The following FAM83A variants were observed in gnomAD, a reference collection of about 807,000 sequenced individuals.
FAM83A encodes the protein protein FAM83A.
FAM83A carries 21 observed loss-of-function variants against 24.4 expected under a neutral mutation model. That is an observed-to-expected ratio of 0.86 (90% CI 0.61 to 1.24). The LOEUF is 1.24. Among genes scored for constraint, FAM83A ranks in the 50% most tolerant of loss-of-function variants. FAM83A has a pLI of 0.00. For synonymous variants in FAM83A, 270 were observed against 252.4 expected, an observed-to-expected ratio of 1.07 and a Z score of -0.66; for missense variants, 617 against 579.8, an observed-to-expected ratio of 1.06 and a Z score of -0.66.
At chr8:123,193,923 C>A in intron 2 of FAM83A, 101 bp from the exon 3 acceptor site, 1 of 1,460,862 alleles carries the variant, frequency 6.8e-7, no homozygotes, top group South Asian at 1.3e-5. Flanking sequence ...TAGGTTTCAA[C>A]ACAGAATGGG....
At chr8:123,195,918 T>G (rs2131084317) in intron 3 of FAM83A, among the ~76,000 whole-genome samples, 1 of 152,362 alleles carries the variant, frequency 6.6e-6, no homozygotes, top group East Asian at 1.9e-4. Flanking sequence ...GAAACAGACA[T>G]TCAGTCTACA....
intron 3 of FAM83A, among the ~76,000 whole-genome samples, chr8:123,206,030 C>G (rs1373680933): frequency 6.6e-6 from 1 of 151,712 alleles, no homozygotes; most frequent in Non-Finnish European, 1.5e-5. Context: ...GTAATCCCAG[C>G]TACTTGGGAG....
chr8:123,200,957 CAAAAAAAA>C (rs11322028), intron 3 of FAM83A, among the ~76,000 whole-genome samples: 10 of 127,296 alleles, frequency 7.9e-5, no homozygotes, highest in African/African-American at 2.3e-4. Flanking sequence ...AACAAATAAA[CAAAAAAAA>C]AAAATATATA....
At chr8:123,183,195 C>T (rs756959814) in exon 1 of FAM83A, 5 of 1,613,372 alleles carry the variant, frequency 3.1e-6, no homozygotes, top group Admixed American at 3.3e-5. Flanking sequence ...CAGAGGGCAG[C>T]GAGCCGGCCC....
At chr8:123,207,363 G>C in exon 4 of FAM83A, 1 of 1,611,482 alleles carries the variant, frequency 6.2e-7, no homozygotes, top group Non-Finnish European at 8.5e-7. Context: ...GGCTCCGCCA[G>C]TGACCGCACG....
Position 123,182,819 on chromosome 8 carries a change from G to A in FAM83A, c.-38G>A, listed in dbSNP as rs376459350. 2.5e-4 allele frequency: 375 copies of A among 1,511,574 alleles called. 1 individual carries two copies. Among genetic ancestry groups the A allele is most frequent in the Middle Eastern group, 1.3e-3 (7 of 5,574 alleles). 93.6% of individuals were successfully genotyped at this position (1,511,574 alleles called of 1,614,324 possible). ...GCTTCCCACATCTGGAGGAGCTGAC[G>A]TGCCAGCCTCCCCCAGCACCACCCA... is the stretch of plus-strand genomic sequence containing the variant. On this transcript the variant is annotated 5_prime_UTR_variant, in exon 1 of 4. The change creates a new upstream start codon in the 5' untranslated region. Transcript: ENST00000690554.
chr8:123,206,094 G>T (rs1290879542), intron 3 of FAM83A, among the ~76,000 whole-genome samples: 2 of 148,988 alleles, frequency 1.3e-5, no homozygotes, highest in East Asian at 2.0e-4. Context: ...AGTGGGACGA[G>T]ATCGCACCAT....
rs548722844 is a variant in FAM83A at position 123,186,731 on chromosome 8, G to GA, written c.480+3397dup. On this transcript the variant is annotated intron_variant, in intron 1 of 3. Coordinates refer to ENST00000690554, the Ensembl canonical transcript of FAM83A. ...TGTAATCCCAGCTACTCAGGAGACT[G>GA]AATCAGGAGAATCGCTTGAACCTGG... is the stretch of plus-strand genomic sequence containing the variant. Among the ~76,000 whole-genome samples, 1,181 of 152,318 alleles carry GA rather than the reference G, an allele frequency of 7.8e-3. 9 individuals are homozygous for GA. The highest frequency in any genetic ancestry group is 0.013 in the Non-Finnish European group (886 of 68,032).
intron 3 of FAM83A, among the ~76,000 whole-genome samples, chr8:123,198,288 C>T (rs2131089454): frequency 6.6e-6 from 1 of 152,144 alleles, no homozygotes; most frequent in South Asian, 2.1e-4. Flanking sequence ...TTACGCCCTC[C>T]CAGGACCCAC....
chr8:123,206,275 T>G (rs371800988), intron 3 of FAM83A, among the ~76,000 whole-genome samples: 3 of 151,984 alleles, frequency 2.0e-5, no homozygotes, highest in Non-Finnish European at 4.4e-5. Flanking sequence ...CCCGACAGCC[T>G]CGGCCCCGTG....
intron 1 of FAM83A, among the ~76,000 whole-genome samples, chr8:123,185,833 C>T (rs1007263700): frequency 6.6e-6 from 1 of 152,224 alleles, no homozygotes; most frequent in Admixed American, 6.5e-5. Flanking sequence ...CTCTGTCGCC[C>T]AGGCTGGAGT....
exon 4 of FAM83A, chr8:123,208,916 A>G: frequency 1.0e-6 from 1 of 978,422 alleles, no homozygotes; most frequent in Non-Finnish European, 1.2e-6. Context: ...ATGAGCTGAG[A>G]TTGCATCACT....
exon 4 of FAM83A, chr8:123,208,446 G>A: frequency 1.0e-6 from 1 of 985,502 alleles, no homozygotes; most frequent in Non-Finnish European, 1.2e-6. Flanking sequence ...GGACCTAGGA[G>A]CTTGAGTTGT....
intron 3 of FAM83A, among the ~76,000 whole-genome samples, chr8:123,205,666 G>T (rs1824526473): frequency 6.6e-6 from 1 of 152,032 alleles, no homozygotes; most frequent in Non-Finnish European, 1.5e-5. Context: ...CGCTGTCCCG[G>T]CTCGGCGACC....
In FAM83A at chr8:123,207,072, C is replaced by T. The variant is rs1824576133; in HGVS notation, c.774-85C>T. The T allele has an allele frequency of 1.1e-5, 4 of 380,942 alleles. No individual in the cohort carries two copies. The South Asian group carries it at 1.9e-4, about 18-fold the overall frequency. The allele number at this position is 380,942 out of a possible 1,614,324, so 23.6% of individuals were successfully genotyped here. ...TCCTTCCTCCACCTCCTCCCTCCCTCTTCCTCCCCTCCCCCTCCTCCTCCA... is the reference window on the plus strand; with the variant it reads ...TCCTTCCTCCACCTCCTCCCTCCCTTTTCCTCCCCTCCCCCTCCTCCTCCA... On this transcript the variant is annotated intron_variant, in intron 3 of 3. Transcript: ENST00000690554.
Position 123,209,311 on chromosome 8 carries a change from T to C in FAM83A, c.*1623T>C. The stretch of plus-strand genomic sequence containing the variant: ...TCCCCTCTGCCCATCCATCCCTCTG[T>C]TCCAATTCTCCACTGCTCCCAGCAT... On this transcript the variant is annotated 3_prime_UTR_variant, in exon 4 of 4. Transcript: ENST00000690554. The surrounding 1 kb of genome is among the most constrained non-coding windows in gnomAD (Gnocchi z 4.7). The C allele has an allele frequency of 1.4e-6, 2 of 1,400,628 alleles. No homozygotes were observed. The highest frequency in any genetic ancestry group is 1.8e-6 in the Non-Finnish European group (2 of 1,084,918). 86.8% of individuals were successfully genotyped at this position (1,400,628 alleles called of 1,614,324 possible).
chr8:123,183,885 G>A (rs1823707682), intron 1 of FAM83A, among the ~76,000 whole-genome samples: 1 of 151,810 alleles, frequency 6.6e-6, no homozygotes, highest in Non-Finnish European at 1.5e-5. Context: ...TAGTAGAGAA[G>A]AGGTTTCACC....
At chr8:123,201,564 G>C (rs951975209) in intron 3 of FAM83A, 1 of 152,144 alleles carries the variant, frequency 6.6e-6, no homozygotes, top group Non-Finnish European at 1.5e-5. Context: ...TCCCCTTAGA[G>C]TTGTTTCCAG....
intron 1 of FAM83A, among the ~76,000 whole-genome samples, chr8:123,186,668 A>G (rs1823811702): frequency 6.6e-6 from 1 of 152,104 alleles, no homozygotes; most frequent in Non-Finnish European, 1.5e-5. Context: ...CGTCCCTACT[A>G]AAAATACAAA....
Sources: allele counts gnomAD v4.1 joint callset (sites outside exome capture counted in the v4.1 genomes callset), GRCh38; gene constraint gnomAD v4.1.1; non-coding constraint Gnocchi (gnomAD v3.1); transcripts MANE v1.5; gene names NCBI Gene and HGNC (gene_info 2026-07-23, HGNC 2026-07-21).